The following SLC39A14 variants were observed in gnomAD, a reference collection of about 807,000 sequenced individuals.
SLC39A14 encodes the protein metal cation symporter ZIP14.
A neutral mutation model predicts 45.5 loss-of-function variants in SLC39A14; 19 were observed. The ratio of observed to expected loss-of-function variants is 0.42; its 90% CI spans 0.29 to 0.61. The LOEUF (loss-of-function observed/expected upper bound fraction) is 0.61. Ranked by LOEUF, SLC39A14 falls within the 20% of genes least tolerant of loss-of-function variation. The probability of loss-of-function intolerance (pLI) is 0.22; values close to 1 mark genes in which losing one functional copy is unlikely to be tolerated. For synonymous variants in SLC39A14, 264 were observed against 251.3 expected, an observed-to-expected ratio of 1.05 and a Z score of -0.48; for missense variants, 447 against 616.5, an observed-to-expected ratio of 0.73 and a Z score of 2.91.
chr8:22,396,407 GAGA>G lies in SLC39A14; in HGVS notation c.-15-8288_-15-8286del, dbSNP rs1563532741. Among the ~76,000 whole-genome samples the G allele has an allele frequency of 5.1e-4, 3 of 5,890 alleles. No individual in the cohort carries two copies. The African/African-American group carries it at 7.8e-3, about 15-fold the overall frequency. 3.9% of individuals were successfully genotyped at this position (5,890 alleles called of 152,430 possible). On this transcript the variant is annotated intron_variant, in intron 1 of 8. Transcript: ENST00000381237. ...AAATAGAGAGAGAGAGAGAGAGAGA[GAGA>G]GAGGGGGGGGGGAGAGAGAGAGAGA...
At chr8:22,425,606 A>G (rs542735219), downstream of SLC39A14, among the ~76,000 whole-genome samples, 1 of 151,966 alleles carries the variant, frequency 6.6e-6, no homozygotes, top group South Asian at 2.1e-4. Flanking sequence ...ATCAGCCTTC[A>G]GCTAAGTATG....
chr8:22,371,473 G>A (rs1183569214), intron 1 of SLC39A14, among the ~76,000 whole-genome samples: 4 of 133,228 alleles, frequency 3.0e-5, no homozygotes, highest in East Asian at 2.2e-4. Context: ...TCGCTCTGTC[G>A]CCCAGGCTGG....
At chr8:22,427,273 A>G (rs1317090567), downstream of SLC39A14, among the ~76,000 whole-genome samples, 3 of 152,088 alleles carry the variant, frequency 2.0e-5, no homozygotes, top group East Asian at 5.9e-4. Flanking sequence ...CCTGGGCAAC[A>G]AGAGAACAAG....
At chr8:22,409,825 A>T in intron 3 of SLC39A14, 1 of 948,144 alleles carries the variant, frequency 1.1e-6, no homozygotes, top group Non-Finnish European at 1.6e-6. Context: ...ATGTTTACTG[A>T]TGGGTTGGTG....
Position 22,416,068 on chromosome 8 carries a change from C to G in SLC39A14, c.940-5C>G. ...TGTGGGCCCTGGGGGTGTGCTTTCT[C>G]CTAGGACCTGCAGGCTTCCCAGAGT... is the stretch of plus-strand genomic sequence containing the variant. On this transcript the variant is annotated splice_polypyrimidine_tract_variant and splice_region_variant and intron_variant, in intron 6 of 8. Transcript: ENST00000381237. 6.2e-7 allele frequency: 1 copy of G among 1,614,044 alleles called. No homozygotes were observed. Among genetic ancestry groups the G allele is most frequent in the South Asian group, 1.1e-5 (1 of 91,068 alleles).
At chr8:22,433,414 A>G (rs1490256422) in intron 8 of SLC39A14, among the ~76,000 whole-genome samples, 2 of 151,408 alleles carry the variant, frequency 1.3e-5, no homozygotes, top group East Asian at 4.0e-4. Context: ...GGCTATTCAC[A>G]GGCAAGAAAA....
At chr8:22,376,334 A>ATTTTTTTTTTTTTTT (rs778041310) in intron 1 of SLC39A14, among the ~76,000 whole-genome samples, 1 of 122,426 alleles carries the variant, frequency 8.2e-6, no homozygotes, top group African/African-American at 3.1e-5. Flanking sequence ...ACCACACCTA[A>ATTTTTTTTTTTTTTT]TTTTTTTTTT....
chr8:22,398,560 A>G (rs930966101), intron 1 of SLC39A14: 28 of 178,122 alleles, frequency 1.6e-4, no homozygotes, highest in Non-Finnish European at 2.9e-4. Context: ...GTTGTCAGGA[A>G]AGGGAGGGGA....
chr8:22,401,105 C>T (rs142123426), intron 1 of SLC39A14, among the ~76,000 whole-genome samples: 76 of 152,266 alleles, frequency 5.0e-4, no homozygotes, highest in African/African-American at 1.8e-3. Flanking sequence ...TGCAGAAATT[C>T]AAGGTAGGTT....
chr8:22,410,238 C>G (rs1038958502), intron 3 of SLC39A14: 3 of 991,396 alleles, frequency 3.0e-6, no homozygotes, highest in East Asian at 2.5e-5. Flanking sequence ...ATGAACCTGT[C>G]CCTCGTATCA....
At chr8:22,412,288 A>AG in intron 4 of SLC39A14, 82 bp downstream of exon 4, 1 of 1,413,524 alleles carries the variant, frequency 7.1e-7, no homozygotes, top group Middle Eastern at 2.4e-4. Flanking sequence ...AGGCATAGAG[A>AG]GGGCACCTGG....
chr8:22,426,777 A>G (rs1195697384), downstream of SLC39A14, among the ~76,000 whole-genome samples: 6 of 151,886 alleles, frequency 4.0e-5, no homozygotes, highest in East Asian at 1.2e-3. Flanking sequence ...TCCGCCTCCC[A>G]GGTTCAAGCA....
At chr8:22,383,670 G>A (rs1249194202) in intron 1 of SLC39A14, among the ~76,000 whole-genome samples, 1 of 152,144 alleles carries the variant, frequency 6.6e-6, no homozygotes, top group Non-Finnish European at 1.5e-5. Flanking sequence ...TTCCCTACCA[G>A]GAAACAGAGA....
rs201320689 is a variant in SLC39A14, at chr8:22,404,891, C to G, written c.181C>G (p.Gln61Glu). Residue 61 changes from glutamine to glutamate, a missense_variant, in exon 2 of 9, where the codon CAG (glutamine) becomes GAG (glutamate). Physicochemically the swap from Gln to Glu is conservative, Grantham distance 29. Coordinates refer to ENST00000381237, the MANE Select transcript of SLC39A14 (RefSeq NM_001128431.4). ...CGAGGGTGACAGCCTCACTCTGCAG[C>G]AGCTGAAGGCCCTACTCAACCACCT... ...YGEGDSLTLQ[Q>E]LKALLNHLDV... The G allele has an allele frequency of 5.7e-5, 92 of 1,614,174 alleles. No homozygotes were observed. The East Asian group carries it at 2.0e-3, about 35-fold the overall frequency.
At chr8:22,417,385 C>T (rs1397373538) in intron 7 of SLC39A14, among the ~76,000 whole-genome samples, 1 of 152,182 alleles carries the variant, frequency 6.6e-6, no homozygotes, top group East Asian at 1.9e-4. Flanking sequence ...GTTCAAGGGC[C>T]TGTCTTGTCA....
At position 22,420,155 on chromosome 8, in the gene SLC39A14, C is replaced by T. The variant is rs1014700762; in HGVS notation, c.*457C>T. 2.0e-6 allele frequency: 2 copies of T among 986,360 alleles called. No homozygotes were observed. The highest frequency in any genetic ancestry group is 6.1e-5 in the Admixed American group (1 of 16,352). The allele number at this position is 986,360 out of a possible 1,614,324, so 61.1% of individuals were successfully genotyped here. On this transcript the variant is annotated 3_prime_UTR_variant, in exon 9 of 9. Coordinates refer to ENST00000381237, the MANE Select transcript of SLC39A14 (RefSeq NM_001128431.4). Reference sequence around the variant, plus strand: ...TGGGCACCTTGGACCTCCAGCTGGCCAATAGAAGAGACAGGAGACAGGAAG... The same window carrying T: ...TGGGCACCTTGGACCTCCAGCTGGCTAATAGAAGAGACAGGAGACAGGAAG...
intron 1 of SLC39A14, among the ~76,000 whole-genome samples, chr8:22,402,776 A>G (rs1033166432): frequency 2.1e-4 from 31 of 147,634 alleles, no homozygotes; most frequent in Non-Finnish European, 1.7e-4. Flanking sequence ...TTCAAAAAAA[A>G]AAAAAAAAAA....
intron 1 of SLC39A14, among the ~76,000 whole-genome samples, chr8:22,402,116 T>C (rs1438526056): frequency 1.3e-5 from 2 of 151,848 alleles, no homozygotes; most frequent in African/African-American, 4.8e-5. Flanking sequence ...GCGCAGTAGC[T>C]CACGCCTGTA....
At chr8:22,386,099 C>G (rs905863099) in intron 1 of SLC39A14, among the ~76,000 whole-genome samples, 1 of 151,940 alleles carries the variant, frequency 6.6e-6, no homozygotes, top group Non-Finnish European at 1.5e-5. Flanking sequence ...ACCACTACGC[C>G]TGGCTAATTT....
Sources: gnomAD v4.1 joint callset for allele counts (sites outside exome capture counted in the v4.1 genomes callset) on GRCh38, gnomAD v4.1.1 for gene constraint, MANE v1.5 for transcripts, NCBI Gene and HGNC (gene_info 2026-07-23, HGNC 2026-07-21) for gene names.